Variants in FNDC3A observed in about 807,000 individuals in gnomAD.
FNDC3A encodes fibronectin type-III domain-containing protein 3A.
FNDC3A carries 32 observed loss-of-function variants against 148.9 expected under a neutral mutation model. The observed-to-expected ratio is 0.21, with a 90% CI of 0.16 to 0.29. The LOEUF (loss-of-function observed/expected upper bound fraction) is 0.29, where lower values mean the gene tolerates loss of function less well. Ranked by LOEUF, FNDC3A falls within the 10% of genes least tolerant of loss-of-function variation. FNDC3A has a pLI of 1.00. For synonymous variants in FNDC3A, 472 were observed against 473.6 expected (o/e 1.00, Z 0.04); for missense variants, 1,191 against 1,452.8 (o/e 0.82, Z 2.93).
At chr13:49,017,641 A>T (rs920327760) in intron 2 of FNDC3A, among the ~76,000 whole-genome samples, 2 of 151,782 alleles carry the variant, frequency 1.3e-5, no homozygotes, top group Non-Finnish European at 2.9e-5. Flanking sequence ...TGATCCTGTC[A>T]TTATGATGTT....
intron 2 of FNDC3A, among the ~76,000 whole-genome samples, chr13:49,054,602 G>A (rs1019299588): frequency 6.6e-6 from 1 of 152,212 alleles, no homozygotes; most frequent in South Asian, 2.1e-4. Context: ...GATGGGATGG[G>A]CAGTCTGGAA....
chr13:49,019,476 G>A (rs1011676020), intron 2 of FNDC3A, among the ~76,000 whole-genome samples: 6 of 152,180 alleles, frequency 3.9e-5, no homozygotes, highest in Non-Finnish European at 8.8e-5. Context: ...CAGGGTGCGC[G>A]CACCCACTGA....
At chr13:49,064,219 T>G in intron 2 of FNDC3A, among the ~76,000 whole-genome samples, 1 of 151,954 alleles carries the variant, frequency 6.6e-6, no homozygotes, top group Admixed American at 6.5e-5. Flanking sequence ...CAGGTGCCTG[T>G]AATCCCAGCT....
chr13:49,130,252 T>G (rs1229312564), intron 4 of FNDC3A, among the ~76,000 whole-genome samples: 2 of 151,884 alleles, frequency 1.3e-5, no homozygotes, highest in African/African-American at 2.4e-5. Flanking sequence ...AGTTTGTAAT[T>G]TCTAAGCCTC....
intron 2 of FNDC3A, among the ~76,000 whole-genome samples, chr13:49,038,550 G>A (rs1409659369): frequency 6.6e-6 from 1 of 152,148 alleles, no homozygotes; most frequent in East Asian, 1.9e-4. Context: ...GAGACCTCTA[G>A]CCTTCAAAAT....
At position 49,075,510 on chromosome 13, in the gene FNDC3A, G is replaced by A. The variant is rs151035768; in HGVS notation, c.175+146G>A. On this transcript the variant is annotated intron_variant, in intron 3 of 25. Coordinates refer to ENST00000492622, the MANE Select transcript of FNDC3A (RefSeq NM_001079673.2). ...TAAACTCTGATATCTTAGCATTTAA[G>A]TATTGCAGTGTCATTCTAACTAGTC... The A allele has an allele frequency of 2.2e-3, 1,211 of 546,350 alleles. 19 individuals are homozygous for A. Among genetic ancestry groups the A allele is most frequent in the African/African-American group, 0.021 (1,056 of 51,252 alleles). The allele number at this position is 546,350 out of a possible 1,614,324, so 33.8% of individuals were successfully genotyped here.
chr13:49,050,793 A>G (rs557839393), intron 2 of FNDC3A, among the ~76,000 whole-genome samples: 8 of 152,268 alleles, frequency 5.3e-5, no homozygotes, highest in African/African-American at 1.9e-4. Context: ...TCTTAGGTCC[A>G]GTAGTAATTG....
At chr13:49,204,510 G>C (rs1369401046) in intron 25 of FNDC3A, among the ~76,000 whole-genome samples, 2 of 152,096 alleles carry the variant, frequency 1.3e-5, no homozygotes, top group Admixed American at 1.3e-4. Context: ...ATTAAATCTG[G>C]CATGCAATTG....
intron 14 of FNDC3A, among the ~76,000 whole-genome samples, chr13:49,183,005 T>C (rs1885384926): frequency 6.6e-6 from 1 of 152,198 alleles, no homozygotes; most frequent in Admixed American, 6.5e-5. Context: ...CCTAGATTAA[T>C]CTTTCTGAAA....
At chr13:49,200,762 G>A (rs1886384904) in intron 23 of FNDC3A, among the ~76,000 whole-genome samples, 1 of 151,850 alleles carries the variant, frequency 6.6e-6, no homozygotes, top group Non-Finnish European at 1.5e-5. Context: ...TTATGATACT[G>A]TTAAGTTTAA....
chr13:49,180,864 C>G (rs1397790639), intron 14 of FNDC3A, among the ~76,000 whole-genome samples: 1 of 151,894 alleles, frequency 6.6e-6, no homozygotes, highest in Non-Finnish European at 1.5e-5. Context: ...CACTGCACTC[C>G]CGACTGGGCA....
At chr13:49,028,168 T>C (rs1873853371) in intron 2 of FNDC3A, among the ~76,000 whole-genome samples, 1 of 151,980 alleles carries the variant, frequency 6.6e-6, no homozygotes, top group African/African-American at 2.4e-5. Flanking sequence ...TGTGCTGAGA[T>C]TGCGCCACTG....
intron 11 of FNDC3A, 83 bp from the exon 12 acceptor site, chr13:49,174,352 T>C: frequency 7.1e-6 from 8 of 1,132,006 alleles, no homozygotes; most frequent in Non-Finnish European, 1.0e-5. Flanking sequence ...CTTGCTAATA[T>C]GTAACTGTCA....
chr13:49,196,592 C>T (rs746132407), intron 19 of FNDC3A, among the ~76,000 whole-genome samples: 3 of 152,104 alleles, frequency 2.0e-5, no homozygotes, highest in Non-Finnish European at 4.4e-5. Flanking sequence ...ATTATTCCAC[C>T]GACCTCATTC....
Position 49,197,769 on chromosome 13 carries a change from G to T in FNDC3A, c.2385G>T (p.Glu795Asp). 6.2e-7 allele frequency: 1 copy of T among 1,610,898 alleles called. No homozygotes were observed. The highest frequency in any genetic ancestry group is 8.5e-7 in the Non-Finnish European group (1 of 1,179,290). Residue 795 changes from glutamate to aspartate, a missense_variant, in exon 21 of 26, where the codon GAG becomes GAT. Around this residue, in one of 3 missense-constraint regions of FNDC3A, gnomAD observed 751 missense variants for 944.0 expected, o/e 0.80. Coordinates refer to ENST00000492622, the MANE Select transcript of FNDC3A (RefSeq NM_001079673.2). Reference sequence around the variant, plus strand: ...CAGATGTCACTGAATATCGACTGGAGTGGGGAGGAGTTGAAGGAAGTATGC... The same window carrying T: ...CAGATGTCACTGAATATCGACTGGATTGGGGAGGAGTTGAAGGAAGTATGC... ...NGTDVTEYRL[E>D]WGGVEGSMQI...
intron 1 of FNDC3A, among the ~76,000 whole-genome samples, chr13:48,998,622 T>C (rs1391844215): frequency 6.6e-6 from 1 of 152,176 alleles, no homozygotes; most frequent in Non-Finnish European, 1.5e-5. Flanking sequence ...TAAGGGATAC[T>C]CAACCTGTAG....
At chr13:49,025,118 T>C (rs1010729210) in intron 2 of FNDC3A, among the ~76,000 whole-genome samples, 1 of 152,056 alleles carries the variant, frequency 6.6e-6, no homozygotes, top group African/African-American at 2.4e-5. Flanking sequence ...AATACTGCTT[T>C]TTTGGAATTG....
intron 2 of FNDC3A, among the ~76,000 whole-genome samples, chr13:49,014,660 T>G (rs1313074379): frequency 3.7e-4 from 55 of 148,474 alleles, no homozygotes; most frequent in South Asian, 1.3e-3. Flanking sequence ...GTTTTAGACA[T>G]GAAGTCCTTG....
chr13:49,035,951 C>G (rs557642720), intron 2 of FNDC3A, among the ~76,000 whole-genome samples: 1 of 152,146 alleles, frequency 6.6e-6, no homozygotes, highest in South Asian at 2.1e-4. Flanking sequence ...TCTATTTTGA[C>G]TTCAGCTGAA....
Sources: gnomAD v4.1 joint callset for allele counts (sites outside exome capture counted in the v4.1 genomes callset) on GRCh38, gnomAD v4.1.1 for gene constraint, gnomAD v4.1.1 regional missense constraint, MANE v1.5 for transcripts, NCBI Gene and HGNC (gene_info 2026-07-23, HGNC 2026-07-21) for gene names.